The following CNTN4 variants were observed in gnomAD, a reference collection of about 807,000 sequenced individuals.
CNTN4 encodes contactin-4.
A neutral mutation model predicts 122.5 loss-of-function variants in CNTN4; 77 were observed. That is an observed-to-expected ratio of 0.63 (90% CI 0.52 to 0.76). The LOEUF (loss-of-function observed/expected upper bound fraction) is 0.76. Among genes scored for constraint, CNTN4 ranks in the 30% least tolerant of loss-of-function variants. CNTN4 has a pLI of 0.00. For missense variants in CNTN4, 1,256 were observed against 1,259.1 expected, an observed-to-expected ratio of 1.00 and a Z score of 0.04; for synonymous variants, 512 against 447.0, an observed-to-expected ratio of 1.15 and a Z score of -1.83.
chr3:2,841,094 C>T lies in CNTN4; in HGVS notation c.454+21513C>T, dbSNP rs75411017. Among the ~76,000 whole-genome samples, 1 of 152,076 alleles carries T rather than the reference C, an allele frequency of 6.6e-6. No individual in the cohort carries two copies. The highest frequency in any genetic ancestry group is 2.4e-5 in the African/African-American group (1 of 41,418). On this transcript the variant is annotated intron_variant, in intron 7 of 24. Transcript: ENST00000418658. This position sits in a 1 kb window ranked among gnomAD's most constrained non-coding sequence, Gnocchi z 4.8. ...CTTCAAAATCATACATGACTGATAC[C>T]AATCTCATCATTGGACTAGATTTCT...
At chr3:2,804,737 C>CTTTTTTTTTTTTTTTTTTTTTTTTT (rs370653933) in intron 6 of CNTN4, among the ~76,000 whole-genome samples, 3 of 144,972 alleles carry the variant, frequency 2.1e-5, no homozygotes, top group East Asian at 2.3e-4. Flanking sequence ...ATTTTGAGCA[C>CTTTTTTTTTTTTTTTTTTTTTTTTT]TTTTTTTTTG....
At chr3:2,905,077 T>G (rs997277689) in intron 12 of CNTN4, among the ~76,000 whole-genome samples, 5 of 152,106 alleles carry the variant, frequency 3.3e-5, no homozygotes, top group African/African-American at 4.8e-5. Context: ...TGCACAGCCC[T>G]CCCCTCTCTC....
chr3:2,985,014 G>A (rs995996113), intron 13 of CNTN4, among the ~76,000 whole-genome samples: 25 of 152,230 alleles, frequency 1.6e-4, no homozygotes, highest in African/African-American at 5.5e-4. Flanking sequence ...GGCAAATGAG[G>A]TATCAGATGG....
At chr3:2,975,766 T>C (rs1693362158) in intron 13 of CNTN4, among the ~76,000 whole-genome samples, 1 of 152,226 alleles carries the variant, frequency 6.6e-6, no homozygotes, top group Admixed American at 6.5e-5. Context: ...TAATGTTTTT[T>C]TCTCATTATA....
At chr3:2,895,801 G>A (rs946449372) in intron 10 of CNTN4, among the ~76,000 whole-genome samples, 10 of 152,188 alleles carry the variant, frequency 6.6e-5, no homozygotes, top group Non-Finnish European at 7.3e-5. Context: ...TTGGGAGGCC[G>A]AGGCGGGCGG....
Position 2,520,259 on chromosome 3 carries a change from C to CTTTTTTTTTTTTTTTTTTTTTTTTTTTTT in CNTN4, c.-88-51154_-88-51126dup, listed in dbSNP as rs397988483. ...AAAAAGATAGGTTGGTGATTGCTTC[C>CTTTTTTTTTTTTTTTTTTTTTTTTTTTTT]TTTTTTTTTTTTTTTTTTTTTTTTT... On this transcript the variant is annotated intron_variant, in intron 3 of 24. Coordinates refer to ENST00000418658, the MANE Select transcript of CNTN4 (RefSeq NM_175607.3). Among the ~76,000 whole-genome samples, 5 of 74,466 alleles carry CTTTTTTTTTTTTTTTTTTTTTTTTTTTTT rather than the reference C, an allele frequency of 6.7e-5. 1 individual carries two copies. Among genetic ancestry groups the CTTTTTTTTTTTTTTTTTTTTTTTTTTTTT allele is most frequent in the African/African-American group, 2.9e-4 (4 of 13,850 alleles). The allele number at this position is 74,466 out of a possible 152,430, so 48.9% of individuals were successfully genotyped here. A position where few individuals can be genotyped will look rare whatever the true frequency, so the allele number is the denominator to read the frequency against.
intron 2 of CNTN4, among the ~76,000 whole-genome samples, chr3:2,337,026 C>G (rs1225255350): frequency 6.6e-6 from 1 of 152,140 alleles, no homozygotes; most frequent in African/African-American, 2.4e-5. Flanking sequence ...TAGGGCTGGT[C>G]TTTTCAGGAG....
intron 13 of CNTN4, among the ~76,000 whole-genome samples, chr3:2,987,600 C>T (rs531124184): frequency 1.3e-5 from 2 of 152,204 alleles, no homozygotes; most frequent in Admixed American, 1.3e-4. Flanking sequence ...CTAAGCCAAG[C>T]TGTGTGTCTT....
At chr3:2,552,823 T>C (rs1025494646) in intron 3 of CNTN4, among the ~76,000 whole-genome samples, 5 of 151,958 alleles carry the variant, frequency 3.3e-5, no homozygotes, top group African/African-American at 1.2e-4. Flanking sequence ...GTCAGGGAAA[T>C]TGGGAGATGT....
In CNTN4 at chr3:3,043,071, G is replaced by A; in HGVS notation, c.2606G>A (p.Gly869Asp). 2 of 1,614,106 alleles carry A rather than the reference G, an allele frequency of 1.2e-6. No individual in the cohort carries two copies. The highest frequency in any genetic ancestry group is 1.7e-6 in the Non-Finnish European group (2 of 1,179,998). ...TCAACAAAAATCACGAACTTAAAAG[G>A]CAGTGTGCTGTATCACTTAGCTGTC... ...QTSTKITNLK[G>D]SVLYHLAVKA... is the part of the protein sequence containing the mutation. Residue 869 changes from glycine (G) to aspartate (D), a missense_variant, in exon 22 of 25, where the codon GGC (glycine) becomes GAC (aspartate). By Grantham distance (94) the Gly-to-Asp change is moderately conservative. Coordinates refer to ENST00000418658, the MANE Select transcript of CNTN4 (RefSeq NM_175607.3).
chr3:2,125,330 C>CTCTCTGTGTG (rs138301374), intron 2 of CNTN4, among the ~76,000 whole-genome samples: 21 of 143,364 alleles, frequency 1.5e-4, no homozygotes, highest in African/African-American at 5.5e-4. Context: ...ATTCTATTCT[C>CTCTCTGTGTG]TGTGTGTGTG....
chr3:2,552,228 A>G (rs527376078), intron 3 of CNTN4, among the ~76,000 whole-genome samples: 31 of 152,298 alleles, frequency 2.0e-4, no homozygotes, highest in African/African-American at 6.5e-4. Context: ...TAACAAAACA[A>G]AAAACAAGAA....
At chr3:2,353,830 C>T (rs945475982) in intron 3 of CNTN4, among the ~76,000 whole-genome samples, 4 of 151,984 alleles carry the variant, frequency 2.6e-5, no homozygotes, top group Admixed American at 6.5e-5. Flanking sequence ...ACCCGGGAGG[C>T]GGAGCTTGCA....
intron 4 of CNTN4, among the ~76,000 whole-genome samples, chr3:2,652,880 G>A (rs563514862): frequency 6.6e-6 from 1 of 152,118 alleles, no homozygotes; most frequent in East Asian, 1.9e-4. Flanking sequence ...TTTCTTTACG[G>A]CTCCTATTTT....
chr3:2,409,817 C>T (rs1257169011), intron 3 of CNTN4, among the ~76,000 whole-genome samples: 1 of 151,624 alleles, frequency 6.6e-6, no homozygotes, highest in Non-Finnish European at 1.5e-5. Flanking sequence ...TAAATATGTC[C>T]ATGTATACAT....
At chr3:2,908,264 A>G (rs1159882885) in intron 12 of CNTN4, among the ~76,000 whole-genome samples, 2 of 152,220 alleles carry the variant, frequency 1.3e-5, no homozygotes, top group Non-Finnish European at 2.9e-5. Context: ...TGAAAAAATA[A>G]CTTTTCTAAA....
intron 2 of CNTN4, among the ~76,000 whole-genome samples, chr3:2,242,504 G>A (rs950528517): frequency 3.9e-5 from 6 of 152,114 alleles, no homozygotes; most frequent in Non-Finnish European, 8.8e-5. Context: ...ATAGGTAAAT[G>A]TGAAGCAGAG....
intron 3 of CNTN4, among the ~76,000 whole-genome samples, chr3:2,342,525 C>T (rs1451641582): frequency 6.6e-6 from 1 of 152,118 alleles, no homozygotes; most frequent in Admixed American, 6.5e-5. Flanking sequence ...CTTGTAGTTC[C>T]CATAATCCCC....
At chr3:2,837,517 C>T (rs955476258) in intron 7 of CNTN4, among the ~76,000 whole-genome samples, 15 of 152,130 alleles carry the variant, frequency 9.9e-5, no homozygotes, top group Non-Finnish European at 2.1e-4. Flanking sequence ...ATTTCATCTG[C>T]ACACAGCAAC....
Sources: allele counts gnomAD v4.1 joint callset (sites outside exome capture counted in the v4.1 genomes callset), GRCh38; gene constraint gnomAD v4.1.1; non-coding constraint Gnocchi (gnomAD v3.1); transcripts MANE v1.5; gene names NCBI Gene and HGNC (gene_info 2026-07-23, HGNC 2026-07-21).